Variants in AURKA observed in about 807,000 individuals in gnomAD.
AURKA encodes the protein aurora 2.
A neutral mutation model predicts 40.9 loss-of-function variants in AURKA; 12 were observed. The observed-to-expected ratio is 0.29, with a 90% CI of 0.19 to 0.48. AURKA has a LOEUF of 0.48. Ranked by LOEUF, AURKA falls within the 20% of genes least tolerant of loss-of-function variation. The pLI is 0.99. For synonymous variants in AURKA, 170 were observed against 164.3 expected (o/e 1.03, Z -0.26); for missense variants, 322 against 462.1 (o/e 0.70, Z 2.78).
intron 1 of AURKA, 24 bp from the exon 2 acceptor site, chr20:56,388,226 T>C: frequency 1.2e-6 from 2 of 1,612,450 alleles, no homozygotes; most frequent in Non-Finnish European, 1.7e-6. Flanking sequence ...GAAGAACCTT[T>C]AATTTGAACA....
intron 1 of AURKA, among the ~76,000 whole-genome samples, chr20:56,389,063 A>G (rs1372179954): frequency 2.6e-5 from 4 of 152,214 alleles, no homozygotes; most frequent in Non-Finnish European, 4.4e-5. Context: ...CCTCAGCAGA[A>G]TCTGACAAGG....
chr20:56,389,778 G>C (rs1600716731), intron 1 of AURKA, among the ~76,000 whole-genome samples: 1 of 152,190 alleles, frequency 6.6e-6, no homozygotes, highest in East Asian at 1.9e-4. Flanking sequence ...CAGTTGCTCA[G>C]GCCAAAAGCC....
intron 6 of AURKA, among the ~76,000 whole-genome samples, chr20:56,377,186 A>G (rs1600685975): frequency 6.6e-6 from 1 of 152,218 alleles, no homozygotes; most frequent in African/African-American, 2.4e-5. Flanking sequence ...CCTACTCAGG[A>G]GGATCACTTG....
chr20:56,382,673 T>C (rs1202182402), intron 5 of AURKA, among the ~76,000 whole-genome samples: 1 of 152,116 alleles, frequency 6.6e-6, no homozygotes, highest in Non-Finnish European at 1.5e-5. Context: ...TTAATCATTT[T>C]TTGTGGTACT....
rs1046125726 is a variant in AURKA, at chr20:56,370,546, A to G, written c.968T>C (p.Leu323Ser). 6 of 1,614,200 alleles carry G rather than the reference A, an allele frequency of 3.7e-6. No individual in the cohort carries two copies. Among genetic ancestry groups the G allele is most frequent in the Non-Finnish European group, 4.2e-6 (5 of 1,180,030 alleles). The part of the protein sequence containing the change: ...WSLGVLCYEF[L>S]VGKPPFEANT... ...TGCCTCAAAAGGAGGCTTCCCAACT[A>G]AAAATTCATAGCAAAGAACTCCAAG... The change falls in exon 8 of 9, where the codon TTA (leucine) becomes TCA (serine). Residue 323 changes from leucine (L) to serine (S), a missense_variant. Transcript: ENST00000395915.
Sources: allele counts gnomAD v4.1 joint callset (sites outside exome capture counted in the v4.1 genomes callset), GRCh38; gene constraint gnomAD v4.1.1; transcripts MANE v1.5; gene names NCBI Gene and HGNC (gene_info 2026-07-23, HGNC 2026-07-21).